Variants in RASSF6 observed in about 807,000 individuals in gnomAD.
RASSF6 encodes the protein Ras association domain family member 6, also known as ras association domain-containing protein 6.
RASSF6 carries 52 observed loss-of-function variants against 44.0 expected under a neutral mutation model. That is an observed-to-expected ratio of 1.18 (90% CI 0.95 to 1.49). RASSF6 has a LOEUF of 1.49. Among genes scored for constraint, RASSF6 ranks in the 40% most tolerant of loss-of-function variants. The probability of loss-of-function intolerance (pLI) is 0.00; values close to 1 mark genes in which losing one functional copy is unlikely to be tolerated. For missense variants in RASSF6, 464 were observed against 393.3 expected, an observed-to-expected ratio of 1.18 and a Z score of -1.52; for synonymous variants, 162 against 124.6, an observed-to-expected ratio of 1.30 and a Z score of -2.00.
intron 4 of RASSF6, among the ~76,000 whole-genome samples, chr4:73,589,247 T>G (rs1724344415): frequency 6.6e-6 from 1 of 152,084 alleles, no homozygotes; most frequent in Admixed American, 6.6e-5. Context: ...CTACAGGTAA[T>G]AACTTTAACT....
intron 2 of RASSF6, among the ~76,000 whole-genome samples, chr4:73,606,647 T>A (rs938579346): frequency 6.6e-6 from 1 of 151,818 alleles, no homozygotes; most frequent in East Asian, 1.9e-4. Context: ...TAGTTTTTTT[T>A]TTTTTTTTAA....
Position 73,620,316 on chromosome 4 carries a change from C to T in RASSF6, c.-63G>A. The T allele has an allele frequency of 6.8e-7, 1 of 1,471,406 alleles. No individual in the cohort carries two copies. Among genetic ancestry groups the T allele is most frequent in the Non-Finnish European group, 9.0e-7 (1 of 1,115,300 alleles). 91.1% of individuals were successfully genotyped at this position (1,471,406 alleles called of 1,614,324 possible). On this transcript the variant is annotated 5_prime_UTR_variant, in exon 1 of 11. Transcript: ENST00000307439. ...TTATTCACACTGTGAGCAGGAGGAC[C>T]CTTTTCACCATCGTTGTTCGGCTGA...
Position 73,585,366 on chromosome 4 carries a change from T to TG in RASSF6, c.383-3dup. ...TGTTGCTGTGATAAGATAAATAGTC[T>TG]GGGAAGAATAGATTATAAGCTCATA... On this transcript the variant is annotated splice_polypyrimidine_tract_variant and splice_region_variant and intron_variant, in intron 5 of 10. Transcript: ENST00000307439. The TG allele has an allele frequency of 6.4e-7, 1 of 1,572,070 alleles. No homozygotes were observed.
intron 2 of RASSF6, among the ~76,000 whole-genome samples, chr4:73,601,956 G>A (rs1464649124): frequency 6.6e-6 from 1 of 152,212 alleles, no homozygotes; most frequent in African/African-American, 2.4e-5. Flanking sequence ...TGCTGGGAGG[G>A]TGGGTGAGAG....
At chr4:73,609,217 T>C (rs1560460225) in intron 2 of RASSF6, among the ~76,000 whole-genome samples, 1 of 152,212 alleles carries the variant, frequency 6.6e-6, no homozygotes, top group Non-Finnish European at 1.5e-5. Context: ...TTTAAATACA[T>C]GGTTAGCATT....
chr4:73,603,644 C>T (rs975489330), intron 2 of RASSF6, among the ~76,000 whole-genome samples: 3 of 152,168 alleles, frequency 2.0e-5, no homozygotes, highest in Admixed American at 1.3e-4. Flanking sequence ...GGGAATTACC[C>T]GCATTCTGAC....
intron 3 of RASSF6, among the ~76,000 whole-genome samples, chr4:73,594,911 T>C (rs1407509448): frequency 1.3e-5 from 2 of 152,238 alleles, no homozygotes; most frequent in East Asian, 1.9e-4. Flanking sequence ...AAATTCTTCA[T>C]TGCTATATCT....
chr4:73,593,047 ACT>A (rs1724678348), intron 4 of RASSF6, among the ~76,000 whole-genome samples: 1 of 141,720 alleles, frequency 7.1e-6, no homozygotes, highest in Non-Finnish European at 1.5e-5. Flanking sequence ...TCAAAGTCTC[ACT>A]CTGTTGCTCA....
At chr4:73,582,774 A>G (rs1482940689) in intron 6 of RASSF6, among the ~76,000 whole-genome samples, 7 of 152,120 alleles carry the variant, frequency 4.6e-5, no homozygotes, top group Non-Finnish European at 7.4e-5. Context: ...TAAGTCCTAT[A>G]TTGAGAGATC....
At position 73,591,102 on chromosome 4, in the gene RASSF6, C is replaced by T. The variant is rs73827810; in HGVS notation, c.287+2349G>A. ...TATCATGGTTAATAATAATATATTG[C>T]ATACTTCAAAAGAGTTAAATAAGAG... is the stretch of plus-strand genomic sequence containing the variant. On this transcript the variant is annotated intron_variant, in intron 4 of 10. Transcript: ENST00000307439. 3.9e-3 allele frequency among the ~76,000 whole-genome samples: 595 copies of T among 152,218 alleles called. 2 individuals are homozygous for T. Among genetic ancestry groups the T allele is most frequent in the African/African-American group, 0.013 (559 of 41,526 alleles).
In RASSF6 at chr4:73,581,866, A is replaced by C. The variant is rs765940716; in HGVS notation, c.672T>G (p.Ile224Met). The part of the protein sequence containing the change: ...VIKQLLQKFK[I>M]ENSPQDFALH... ...GAGCAAAATCCTGGGGACTATTTTC[A>C]ATCTGTCAAGGGAAAAAATGAACAA... is the stretch of plus-strand genomic sequence containing the variant. The change falls in exon 8 of 11, where the codon ATT becomes ATG. Residue 224 changes from isoleucine to methionine, a missense_variant and splice_region_variant. Physicochemically the swap from Ile to Met is conservative, Grantham distance 10. Transcript: ENST00000307439. The C allele has an allele frequency of 3.7e-6, 6 of 1,609,610 alleles. No homozygotes were observed. The South Asian group carries it at 6.6e-5, about 18-fold the overall frequency.
intron 3 of RASSF6, among the ~76,000 whole-genome samples, chr4:73,595,460 A>G (rs1471417066): frequency 6.6e-6 from 1 of 152,112 alleles, no homozygotes; most frequent in Non-Finnish European, 1.5e-5. Flanking sequence ...CGGCCTCCCA[A>G]AGTGCTGGGA....
At chr4:73,588,829 G>A (rs1030488833) in intron 4 of RASSF6, among the ~76,000 whole-genome samples, 26 of 101,650 alleles carry the variant, frequency 2.6e-4, no homozygotes, top group African/African-American at 7.6e-4. Context: ...ACCAGCATCT[G>A]TATCTATTTC....
intron 2 of RASSF6, among the ~76,000 whole-genome samples, chr4:73,603,053 A>G: frequency 6.6e-6 from 1 of 152,114 alleles, no homozygotes; most frequent in East Asian, 1.9e-4. Flanking sequence ...GCGCCACTGC[A>G]CTCCAGCCTG....
chr4:73,606,974 T>C (rs1725685787), intron 2 of RASSF6, among the ~76,000 whole-genome samples: 1 of 152,186 alleles, frequency 6.6e-6, no homozygotes, highest in African/African-American at 2.4e-5. Context: ...AGCACGAGCC[T>C]GAAAACGGGA....
At chr4:73,599,570 C>T (rs1276436733) in intron 2 of RASSF6, among the ~76,000 whole-genome samples, 1 of 152,124 alleles carries the variant, frequency 6.6e-6, no homozygotes. Flanking sequence ...GCAGGTGGGC[C>T]CTGGCAGTGG....
At chr4:73,599,918 C>T (rs984358432) in intron 2 of RASSF6, among the ~76,000 whole-genome samples, 1 of 152,118 alleles carries the variant, frequency 6.6e-6, no homozygotes, top group African/African-American at 2.4e-5. Flanking sequence ...CAACCACCAG[C>T]CTCCCTGGTG....
intron 2 of RASSF6, among the ~76,000 whole-genome samples, chr4:73,607,815 C>T (rs2149394009): frequency 6.6e-6 from 1 of 151,700 alleles, no homozygotes; most frequent in African/African-American, 2.4e-5. Context: ...GGACAGCTAC[C>T]TCCTCTCCTC....
At position 73,576,157 on chromosome 4, in the gene RASSF6, A is replaced by G. The variant is rs1723193767; in HGVS notation, c.*78T>C. The G allele has an allele frequency of 1.4e-6, 1 of 729,452 alleles. No individual in the cohort carries two copies. The highest frequency in any genetic ancestry group is 2.6e-5 in the East Asian group (1 of 38,722). The allele number at this position is 729,452 out of a possible 1,614,324, so 45.2% of individuals were successfully genotyped here. On this transcript the variant is annotated 3_prime_UTR_variant, in exon 11 of 11. Coordinates refer to ENST00000307439, the MANE Select transcript of RASSF6 (RefSeq NM_177532.5). ...TCTCATATATGTTCGTATAAATGCAAGTACAGAACTTATGCATTCATCAAA... is the reference window on the plus strand; with the variant it reads ...TCTCATATATGTTCGTATAAATGCAGGTACAGAACTTATGCATTCATCAAA...
Sources: allele counts gnomAD v4.1 joint callset (sites outside exome capture counted in the v4.1 genomes callset), GRCh38; gene constraint gnomAD v4.1.1; transcripts MANE v1.5; gene names NCBI Gene and HGNC (gene_info 2026-07-23, HGNC 2026-07-21).